SLC11A2: variants seen among roughly 807,000 people sequenced by gnomAD.
SLC11A2 encodes natural resistance-associated macrophage protein 2.
Under a neutral mutation model 68.0 loss-of-function variants are expected in SLC11A2, and 38 were observed. That is an observed-to-expected ratio of 0.56 (90% CI 0.43 to 0.73). The LOEUF is 0.73. Among genes scored for constraint, SLC11A2 ranks in the 30% least tolerant of loss-of-function variants. The pLI is 0.00. For missense variants in SLC11A2, 517 were observed against 690.5 expected, an observed-to-expected ratio of 0.75 and a Z score of 2.82; for synonymous variants, 242 against 250.6, an observed-to-expected ratio of 0.97 and a Z score of 0.32.
upstream of SLC11A2, among the ~76,000 whole-genome samples, chr12:51,027,715 A>G (rs1944445776): frequency 6.6e-6 from 1 of 152,058 alleles, no homozygotes; most frequent in Non-Finnish European, 1.5e-5. Context: ...AAAACATTAG[A>G]TCCTCCCGCC....
At position 50,992,342 on chromosome 12, in the gene SLC11A2, G is replaced by A. The variant is rs1345302334; in HGVS notation, c.1198-3C>T. The A allele has an allele frequency of 6.2e-7, 1 of 1,613,712 alleles. No individual in the cohort carries two copies. Among genetic ancestry groups the A allele is most frequent in the Admixed American group, 1.7e-5 (1 of 59,990 alleles). ...GACCACTTTAGGTTCAGGAATCCCT[G>A]GAAGAAAACATAGGAGCAGATGACT... is the stretch of plus-strand genomic sequence containing the variant. On this transcript the variant is annotated splice_region_variant and splice_polypyrimidine_tract_variant and intron_variant, in intron 12 of 15. Coordinates refer to ENST00000262052, the MANE Select transcript of SLC11A2 (RefSeq NM_000617.3).
intron 15 of SLC11A2, 107 bp downstream of exon 15, chr12:50,990,688 G>T: frequency 1.7e-6 from 2 of 1,152,500 alleles, no homozygotes; most frequent in Non-Finnish European, 2.5e-6. Flanking sequence ...GGGATTATAG[G>T]CATGAGCCAC....
intron 3 of SLC11A2, among the ~76,000 whole-genome samples, chr12:51,007,397 C>T (rs556783293): frequency 2.1e-3 from 318 of 152,200 alleles, no homozygotes; most frequent in African/African-American, 7.1e-3. Flanking sequence ...TGCAGTGGCG[C>T]GATCTTGGCT....
Position 50,996,864 on chromosome 12 carries a change from C to T in SLC11A2, c.784G>A (p.Ala262Thr), listed in dbSNP as rs1941745571. 6.2e-7 allele frequency: 1 copy of T among 1,613,986 alleles called. No individual in the cohort carries two copies. ...TACATGTTGTGTGGCATGATGACAGCTCCCACGATGCCCACAGCCTGTTCA... is the reference window on the plus strand; with the variant it reads ...TACATGTTGTGTGGCATGATGACAGTTCCCACGATGCCCACAGCCTGTTCA... ...QIEQAVGIVG[A>T]VIMPHNMYLH... is the part of the protein sequence containing the mutation. Residue 262 changes from alanine (A) to threonine (T), a missense_variant, in exon 9 of 16, where the codon GCT becomes ACT. Transcript: ENST00000262052.
At chr12:51,016,404 C>G (rs1173036573) in intron 1 of SLC11A2, among the ~76,000 whole-genome samples, 1 of 151,884 alleles carries the variant, frequency 6.6e-6, no homozygotes, top group Non-Finnish European at 1.5e-5. Context: ...AAAATTAAAG[C>G]TAGGTGCAGT....
At chr12:50,995,485 C>T (rs116921414) in intron 10 of SLC11A2, 144 bp downstream of exon 10, 18,690 of 852,680 alleles carry the variant, frequency 0.022, 269 homozygotes, top group Non-Finnish European at 0.027. Flanking sequence ...GACTGGTGCA[C>T]AGTGATTTTG....
At chr12:50,958,340 G>A in the SLC11A2 span, among the ~76,000 whole-genome samples, 4,145 of 148,426 alleles carry the variant, frequency 0.028, 196 homozygotes, top group African/African-American at 0.099. Flanking sequence ...GGAGTGCAGT[G>A]GCACTATCTC....
At chr12:50,996,754 G>T in intron 9 of SLC11A2, 63 bp downstream of exon 9, 1 of 1,508,354 alleles carries the variant, frequency 6.6e-7, no homozygotes, top group Non-Finnish European at 9.2e-7. Flanking sequence ...TGTGTCCCTT[G>T]CAATTGAAGG....
chr12:50,960,880 A>G, the SLC11A2 span: 25 of 1,152,360 alleles, frequency 2.2e-5, no homozygotes, highest in African/African-American at 4.8e-5. Flanking sequence ...GGGTCTTGCT[A>G]TGTTGCCCAG....
the SLC11A2 span, among the ~76,000 whole-genome samples, chr12:50,963,187 T>A: frequency 1.3e-5 from 2 of 151,612 alleles, no homozygotes; most frequent in Non-Finnish European, 2.9e-5. Flanking sequence ...CTGGTCAACA[T>A]GGTGAAACCC....
intron 5 of SLC11A2, among the ~76,000 whole-genome samples, chr12:51,000,873 G>T (rs1215499168): frequency 1.3e-5 from 2 of 152,056 alleles, no homozygotes; most frequent in Non-Finnish European, 2.9e-5. Flanking sequence ...AACATGAAAA[G>T]GTTGGGGTCA....
chr12:51,010,899 T>G, intron 1 of SLC11A2, 133 bp from the exon 2 acceptor site: 1 of 477,890 alleles, frequency 2.1e-6, no homozygotes, highest in East Asian at 3.1e-5. Flanking sequence ...TAGGTAACCT[T>G]GAAAATAATT....
At chr12:50,983,437 G>A (rs866871363), downstream of SLC11A2, among the ~76,000 whole-genome samples, 3 of 152,240 alleles carry the variant, frequency 2.0e-5, no homozygotes, top group Middle Eastern at 6.8e-3. Context: ...CTGGAGTTGG[G>A]TTCAAGCCCT....
chr12:50,995,751 G>C lies in SLC11A2; in HGVS notation c.868C>G (p.Arg290Gly). 1 of 1,614,002 alleles carries C rather than the reference G, an allele frequency of 6.2e-7. No homozygotes were observed. Among genetic ancestry groups the C allele is most frequent in the African/African-American group, 1.3e-5 (1 of 75,032 alleles). The part of the protein sequence containing the change: ...QVNRNNKQEV[R>G]EANKYFFIES... The stretch of plus-strand genomic sequence containing the variant: ...ATGAAAAAGTACTTATTGGCTTCTC[G>C]AACTTCCTGCTTATTGTTCCGGTTT... The change falls in exon 10 of 16, where the codon CGA (arginine) becomes GGA (glycine). Residue 290 changes from arginine to glycine, a missense_variant. Physicochemically the swap from Arg to Gly is moderately radical, Grantham distance 125 (BLOSUM62 -2). Transcript: ENST00000262052.
the SLC11A2 span, among the ~76,000 whole-genome samples, chr12:50,956,598 CTGCA>C: frequency 6.6e-6 from 1 of 152,282 alleles, no homozygotes; most frequent in East Asian, 1.9e-4. Context: ...GTTAAGGTCT[CTGCA>C]TGCATTATAT....
chr12:50,992,785 C>T (rs777124019), intron 12 of SLC11A2, 25 bp downstream of exon 12: 11 of 1,610,884 alleles, frequency 6.8e-6, no homozygotes, highest in Non-Finnish European at 9.3e-6. Context: ...TGTGTTATCT[C>T]CCTCTATCCT....
At chr12:50,994,481 G>C in intron 11 of SLC11A2, 63 bp downstream of exon 11, 1 of 1,049,528 alleles carries the variant, frequency 9.5e-7, no homozygotes, top group South Asian at 1.3e-5. Flanking sequence ...TCACAAAAAA[G>C]ACCACATACT....
At chr12:50,977,842 C>G (rs886571451), downstream of SLC11A2, among the ~76,000 whole-genome samples, 5 of 152,144 alleles carry the variant, frequency 3.3e-5, no homozygotes, top group Admixed American at 6.5e-5. Context: ...AGGATATGAA[C>G]AGACACTTCT....
chr12:51,026,382 G>A lies in SLC11A2; in HGVS notation c.-111C>T, dbSNP rs1437011820. 17 of 1,274,124 alleles carry A rather than the reference G, an allele frequency of 1.3e-5. No individual in the cohort carries two copies. Among genetic ancestry groups the A allele is most frequent in the Non-Finnish European group, 1.7e-5 (17 of 977,552 alleles). 78.9% of individuals were successfully genotyped at this position (1,274,124 alleles called of 1,614,324 possible). On this transcript the variant is annotated 5_prime_UTR_variant, in exon 1 of 16. Transcript: ENST00000262052. ...TCCATATTCCGGGAGCCAGCGCCACGCTGGCTAACGCCCTCCCCTCCCCGC... is the reference window on the plus strand; with the variant it reads ...TCCATATTCCGGGAGCCAGCGCCACACTGGCTAACGCCCTCCCCTCCCCGC...
Sources: gnomAD v4.1 joint callset for allele counts (sites outside exome capture counted in the v4.1 genomes callset) on GRCh38, gnomAD v4.1.1 for gene constraint, MANE v1.5 for transcripts, NCBI Gene and HGNC (gene_info 2026-07-23, HGNC 2026-07-21) for gene names.